TNFSF4: variants seen among roughly 807,000 people sequenced by gnomAD.
The protein encoded by TNFSF4 is TNF superfamily member 4.
A neutral mutation model predicts 7.3 loss-of-function variants in TNFSF4; 4 were observed. The ratio of observed to expected loss-of-function variants is 0.55; its 90% confidence interval spans 0.27 to 1.25. The LOEUF (loss-of-function observed/expected upper bound fraction) is 1.25, where lower values mean the gene tolerates loss of function less well. TNFSF4 is among the 50% of genes most tolerant of loss of function. TNFSF4 has a pLI of 0.12. For synonymous variants in TNFSF4, 76 were observed against 83.7 expected (o/e 0.91, Z 0.50); for missense variants, 181 against 208.8 (o/e 0.87, Z 0.82).
At chr1:173,416,054 C>T in the TNFSF4 span, among the ~76,000 whole-genome samples, 1 of 152,184 alleles carries the variant, frequency 6.6e-6, no homozygotes, top group African/African-American at 2.4e-5. Context: ...AGATTGGCTC[C>T]TTTGGGAGTT....
At chr1:173,202,959 T>C (rs1650009146) in intron 1 of TNFSF4, among the ~76,000 whole-genome samples, 1 of 110,918 alleles carries the variant, frequency 9.0e-6, no homozygotes, top group South Asian at 3.0e-4. Flanking sequence ...GAGGCAGCCC[T>C]CCCTCCTCCC....
chr1:173,308,418 T>G, the TNFSF4 span, among the ~76,000 whole-genome samples: 4 of 151,844 alleles, frequency 2.6e-5, no homozygotes, highest in East Asian at 5.8e-4. Flanking sequence ...GTCTTTCACA[T>G]GTAGATCTAT....
the TNFSF4 span, among the ~76,000 whole-genome samples, chr1:173,312,513 C>T: frequency 1.3e-5 from 2 of 151,788 alleles, no homozygotes; most frequent in Non-Finnish European, 2.9e-5. Context: ...AATCCTAAAC[C>T]AAGAGAGAAA....
chr1:173,335,429 T>G, the TNFSF4 span, among the ~76,000 whole-genome samples: 2 of 152,082 alleles, frequency 1.3e-5, no homozygotes, highest in Non-Finnish European at 2.9e-5. Flanking sequence ...TAGCCCCCAC[T>G]GGATTAGGAT....
At chr1:173,431,488 C>G in the TNFSF4 span, among the ~76,000 whole-genome samples, 1 of 152,256 alleles carries the variant, frequency 6.6e-6, no homozygotes, top group Non-Finnish European at 1.5e-5. Context: ...CAGAAAGAAG[C>G]CACCTCCGTG....
At chr1:173,256,383 C>T in the TNFSF4 span, among the ~76,000 whole-genome samples, 1 of 152,104 alleles carries the variant, frequency 6.6e-6, no homozygotes, top group East Asian at 1.9e-4. Context: ...TCGCTGTGAT[C>T]TCACATGGCA....
chr1:173,197,176 C>T (rs555145612), intron 1 of TNFSF4, among the ~76,000 whole-genome samples: 1 of 152,164 alleles, frequency 6.6e-6, no homozygotes, highest in African/African-American at 2.4e-5. Flanking sequence ...CAAGAAGCAA[C>T]AGATGCTGGT....
the TNFSF4 span, among the ~76,000 whole-genome samples, chr1:173,369,018 G>C: frequency 6.6e-6 from 1 of 152,134 alleles, no homozygotes; most frequent in Non-Finnish European, 1.5e-5. Context: ...TCAGTGGGGG[G>C]ACTATCTGGA....
At chr1:173,234,894 G>T in the TNFSF4 span, among the ~76,000 whole-genome samples, 7 of 152,184 alleles carry the variant, frequency 4.6e-5, no homozygotes, top group South Asian at 1.3e-3. Flanking sequence ...GTGTACATAT[G>T]TAACAAACCT....
the TNFSF4 span, among the ~76,000 whole-genome samples, chr1:173,263,081 G>A: frequency 1.3e-5 from 2 of 152,180 alleles, no homozygotes; most frequent in Non-Finnish European, 2.9e-5. Context: ...CAGCTAACAA[G>A]TGAAAGATCT....
At chr1:173,405,149 C>G in the TNFSF4 span, among the ~76,000 whole-genome samples, 1 of 152,178 alleles carries the variant, frequency 6.6e-6, no homozygotes, top group East Asian at 1.9e-4. Flanking sequence ...AGTACCTAAA[C>G]AGCCAACGGC....
At chr1:173,207,350 T>C, upstream of TNFSF4, 1 of 506,286 alleles carries the variant, frequency 2.0e-6, no homozygotes, top group East Asian at 3.2e-5. Flanking sequence ...AAGCGGACTC[T>C]CTCAGTTTTA....
chr1:173,373,505 C>T, the TNFSF4 span, among the ~76,000 whole-genome samples: 1 of 152,174 alleles, frequency 6.6e-6, no homozygotes, highest in African/African-American at 2.4e-5. Flanking sequence ...CCCAAGCCAG[C>T]CAGTGGAAAA....
chr1:173,398,755 T>C, the TNFSF4 span, among the ~76,000 whole-genome samples: 5 of 152,124 alleles, frequency 3.3e-5, no homozygotes, highest in Non-Finnish European at 7.4e-5. Flanking sequence ...AGGGGTACAG[T>C]GGTATGGGAA....
chr1:173,275,760 C>A, the TNFSF4 span, among the ~76,000 whole-genome samples: 2 of 152,142 alleles, frequency 1.3e-5, no homozygotes, highest in African/African-American at 4.8e-5. Flanking sequence ...GGACACACAT[C>A]AGTCAGCAGC....
intron 1 of TNFSF4, among the ~76,000 whole-genome samples, chr1:173,200,073 C>A (rs921716311): frequency 6.6e-6 from 1 of 152,130 alleles, no homozygotes; most frequent in Admixed American, 6.5e-5. Context: ...TCTTTCTTCC[C>A]TTTATGATGG....
At chr1:173,430,828 C>T in the TNFSF4 span, among the ~76,000 whole-genome samples, 1 of 152,334 alleles carries the variant, frequency 6.6e-6, no homozygotes, top group African/African-American at 2.4e-5. Context: ...ATAAGACACT[C>T]TTCCTCCAGT....
chr1:173,309,615 T>A, the TNFSF4 span, among the ~76,000 whole-genome samples: 2 of 152,030 alleles, frequency 1.3e-5, no homozygotes, highest in East Asian at 3.9e-4. Flanking sequence ...ATTGCACTTA[T>A]AGGAGATGAT....
chr1:173,214,186 C>T, the TNFSF4 span, among the ~76,000 whole-genome samples: 4 of 152,142 alleles, frequency 2.6e-5, no homozygotes, highest in Non-Finnish European at 5.9e-5. Flanking sequence ...CCCTATGAAG[C>T]GGGTACTATT....
Sources: gnomAD v4.1 joint callset for allele counts (sites outside exome capture counted in the v4.1 genomes callset) on GRCh38, gnomAD v4.1.1 for gene constraint, MANE v1.5 for transcripts, NCBI Gene and HGNC (gene_info 2026-07-23, HGNC 2026-07-21) for gene names.